MACF1: variants seen among roughly 807,000 people sequenced by gnomAD.
MACF1 encodes the protein microtubule actin crosslinking factor 1, also known as microtubule-actin cross-linking factor 1.
A neutral mutation model predicts 854.8 loss-of-function variants in MACF1; 193 were observed. The observed-to-expected ratio is 0.23, with a 90% CI of 0.20 to 0.25. The LOEUF (loss-of-function observed/expected upper bound fraction) is 0.25. Among genes scored for constraint, MACF1 ranks in the 10% least tolerant of loss-of-function variants. The pLI is 1.00. For missense variants in MACF1, 7,722 were observed against 8,929.1 expected, an observed-to-expected ratio of 0.86 and a Z score of 5.45; for synonymous variants, 3,185 against 3,226.7, an observed-to-expected ratio of 0.99 and a Z score of 0.44.
At chr1:39,396,725 C>T (rs74066773) in intron 58 of MACF1, among the ~76,000 whole-genome samples, 5,811 of 152,178 alleles carry the variant, frequency 0.038, 371 homozygotes, top group African/African-American at 0.13. Context: ...TTTGAAGGGC[C>T]GTTTATTGTT....
Position 39,387,368 on chromosome 1 carries a change from T to C in MACF1, c.14526T>C (p.Ser4842=), listed in dbSNP as rs751300510. The change falls in exon 58 of 101, where the codon AGT becomes AGC. Residue 4842 remains serine (S), a synonymous_variant. Transcript: ENST00000564288. ...AGGAGAATGAAGAGTTTCAGAAAAGTCTTAATCAACACAGTGGCTCCTATG... is the reference window on the plus strand; with the variant it reads ...AGGAGAATGAAGAGTTTCAGAAAAGCCTTAATCAACACAGTGGCTCCTATG... The part of the protein sequence containing the change: ...QLQENEEFQK[S]LNQHSGSYEV... 2 of 1,614,162 alleles carry C rather than the reference T, an allele frequency of 1.2e-6. No individual in the cohort carries two copies. Among genetic ancestry groups the C allele is most frequent in the Admixed American group, 3.3e-5 (2 of 60,004 alleles).
At chr1:39,223,005 G>C (rs1327960476) in intron 1 of MACF1, among the ~76,000 whole-genome samples, 2 of 152,190 alleles carry the variant, frequency 1.3e-5, no homozygotes, top group Non-Finnish European at 2.9e-5. Flanking sequence ...TCCTAGTAGA[G>C]TAGGACAGAT....
intron 35 of MACF1, among the ~76,000 whole-genome samples, chr1:39,326,573 C>T (rs976262258): frequency 4.7e-5 from 7 of 149,418 alleles, no homozygotes; most frequent in African/African-American, 1.5e-4. Context: ...CCCAGCTACT[C>T]GGGAGGCTGA....
chr1:39,329,496 C>T (rs1410644737), intron 36 of MACF1, among the ~76,000 whole-genome samples: 1 of 152,136 alleles, frequency 6.6e-6, no homozygotes, highest in Non-Finnish European at 1.5e-5. Context: ...ACAGAACTTA[C>T]TCACTGAGAT....
At chr1:39,091,362 A>G (rs1641797849) in intron 2 of MACF1, among the ~76,000 whole-genome samples, 1 of 152,168 alleles carries the variant, frequency 6.6e-6, no homozygotes, top group South Asian at 2.1e-4. Flanking sequence ...CTGGGACGTT[A>G]GTCACTTCAT....
At chr1:39,311,078 C>G in intron 26 of MACF1, 78 bp downstream of exon 26, 1 of 1,482,634 alleles carries the variant, frequency 6.7e-7, no homozygotes, top group Non-Finnish European at 9.1e-7. Context: ...GAGTATGGCA[C>G]CTAAGAAATG....
Position 39,287,443 on chromosome 1 carries a change from T to C in MACF1, c.1666T>C (p.Ser556Pro), listed in dbSNP as rs1463577311. The change falls in exon 15 of 101, where the codon TCT becomes CCT. Residue 556 changes from serine (S) to proline (P), a missense_variant. By Grantham distance (74) the Ser-to-Pro change is moderately conservative. This residue lies in a region of MACF1 where 1,137 missense variants were observed against 1,263.0 expected (regional missense o/e 0.90). Transcript: ENST00000564288. ...CTTAACCAAGGCAACCCATTCTTCT[T>C]CTACCTCCTGGTTCCGAAAGCCTAT... The part of the protein sequence containing the change: ...EPLTKATHSS[S>P]TSWFRKPMTR... 1 of 1,614,184 alleles carries C rather than the reference T, an allele frequency of 6.2e-7. No homozygotes were observed. Among genetic ancestry groups the C allele is most frequent in the Non-Finnish European group, 8.5e-7 (1 of 1,180,040 alleles).
chr1:39,465,627 A>G (rs1422337850), intron 95 of MACF1, among the ~76,000 whole-genome samples: 1 of 152,262 alleles, frequency 6.6e-6, no homozygotes, highest in Non-Finnish European at 1.5e-5. Flanking sequence ...GATTATGGCC[A>G]GCCAGCCAAG....
intron 1 of MACF1, among the ~76,000 whole-genome samples, chr1:39,206,026 G>A (rs112460686): frequency 0.031 from 4,674 of 152,162 alleles, 114 homozygotes; most frequent in Middle Eastern, 0.082. Context: ...TCAAACTTAG[G>A]TATGTAGACA....
chr1:39,387,086 A>G (rs1641836931), intron 57 of MACF1, 101 bp from the exon 58 acceptor site: 7 of 1,333,252 alleles, frequency 5.3e-6, no homozygotes, highest in Non-Finnish European at 5.1e-6. Flanking sequence ...CTCAAGTAAC[A>G]TTAGTTCCCT....
At chr1:39,327,817 A>G (rs1646644761) in intron 36 of MACF1, among the ~76,000 whole-genome samples, 1 of 152,170 alleles carries the variant, frequency 6.6e-6, no homozygotes, top group Admixed American at 6.5e-5. Context: ...TCACTGACTA[A>G]GACGCTGGTT....
chr1:39,276,703 T>C (rs1645444510), intron 6 of MACF1, among the ~76,000 whole-genome samples: 1 of 152,210 alleles, frequency 6.6e-6, no homozygotes, highest in African/African-American at 2.4e-5. Context: ...ATTACTATAA[T>C]TATTGGTCGT....
In MACF1 at chr1:39,409,061, C is replaced by G. The variant is rs888611539; in HGVS notation, c.15817-13313C>G. Among the ~76,000 whole-genome samples the G allele has an allele frequency of 6.6e-6, 1 of 151,680 alleles. No individual in the cohort carries two copies. The highest frequency in any genetic ancestry group is 1.5e-5 in the Non-Finnish European group (1 of 67,854). ...CGGCGCGGGGAAGGGGGAGGAGAGC[C>G]GCCCGCCAGCCGAGCACTTCCAGCG... On this transcript the variant is annotated intron_variant, in intron 58 of 100. Transcript: ENST00000564288. The surrounding 1 kb of genome is among the most constrained non-coding windows in gnomAD (Gnocchi z 4.2).
intron 15 of MACF1, among the ~76,000 whole-genome samples, chr1:39,288,066 A>G (rs1330557334): frequency 2.0e-5 from 3 of 152,274 alleles, no homozygotes; most frequent in Admixed American, 2.0e-4. Context: ...ACATATATTT[A>G]TACGATACAT....
intron 6 of MACF1, among the ~76,000 whole-genome samples, chr1:39,276,960 T>C (rs12089264): frequency 0.031 from 4,688 of 152,154 alleles, 232 homozygotes; most frequent in African/African-American, 0.11. Context: ...CATAATTGAT[T>C]AAACAAAAAA....
intron 2 of MACF1, among the ~76,000 whole-genome samples, chr1:39,162,493 C>A (rs553949115): frequency 6.6e-6 from 1 of 152,244 alleles, no homozygotes; most frequent in South Asian, 2.1e-4. Context: ...ACTTTCCTTC[C>A]GTAAGTTTTG....
chr1:39,463,796 G>C (rs1230021220), intron 94 of MACF1, 110 bp downstream of exon 94: 12 of 923,210 alleles, frequency 1.3e-5, no homozygotes, highest in African/African-American at 3.3e-5. Flanking sequence ...CTTGAGATGT[G>C]GTCACTCTCT....
Position 39,333,393 on chromosome 1 carries a change from A to G in MACF1, c.6805A>G (p.Ile2269Val), listed in dbSNP as rs1240950888. The change falls in exon 37 of 101, where the codon ATT (isoleucine) becomes GTT (valine). Residue 2269 changes from isoleucine (I) to valine (V), a missense_variant. This residue lies in a region of MACF1 where 1,531 missense variants were observed against 1,601.6 expected (regional missense o/e 0.96). Coordinates refer to ENST00000564288, the MANE Select transcript of MACF1 (RefSeq NM_001394062.1). ...CGATGAGGAAGATAGTGGCAGGGAAATTTTTCTGTCATGCAGTCATCCATT... is the reference window on the plus strand; with the variant it reads ...CGATGAGGAAGATAGTGGCAGGGAAGTTTTTCTGTCATGCAGTCATCCATT... ...KTDEEDSGRE[I>V]FLSCSHPLEL... 6.2e-7 allele frequency: 1 copy of G among 1,613,866 alleles called. No homozygotes were observed. Among genetic ancestry groups the G allele is most frequent in the African/African-American group, 1.3e-5 (1 of 75,010 alleles).
chr1:39,372,440 C>A, intron 51 of MACF1, 39 bp from the exon 52 acceptor site: 1 of 1,194,676 alleles, frequency 8.4e-7, no homozygotes, highest in Non-Finnish European at 1.2e-6. Flanking sequence ...GAGGAAAAAG[C>A]CCCAGATACT....
Sources: allele counts gnomAD v4.1 joint callset (sites outside exome capture counted in the v4.1 genomes callset), GRCh38; gene constraint gnomAD v4.1.1; regional missense constraint gnomAD v4.1.1; non-coding constraint Gnocchi (gnomAD v3.1); transcripts MANE v1.5; gene names NCBI Gene and HGNC (gene_info 2026-07-23, HGNC 2026-07-21).